The following GALNT16 variants were observed in gnomAD, a reference collection of about 807,000 sequenced individuals.
The protein encoded by GALNT16 is polypeptide N-acetylgalactosaminyltransferase 16, also known as UDP-GalNAc:polypeptide N-acetylgalactosaminyltransferase-like protein 1.
Under a neutral mutation model 76.1 loss-of-function variants are expected in GALNT16, and 40 were observed. The observed-to-expected ratio is 0.53, with a 90% CI of 0.41 to 0.68. The LOEUF (loss-of-function observed/expected upper bound fraction) is 0.68. Ranked by LOEUF, GALNT16 falls within the 30% of genes least tolerant of loss-of-function variation. The pLI is 0.00. For synonymous variants in GALNT16, 276 were observed against 285.2 expected (o/e 0.97, Z 0.32); for missense variants, 621 against 731.9 (o/e 0.85, Z 1.75).
chr14:69,383,501 C>T, the GALNT16 span, among the ~76,000 whole-genome samples: 1 of 152,180 alleles, frequency 6.6e-6, no homozygotes, highest in Non-Finnish European at 1.5e-5. Context: ...TACCTTATTT[C>T]TCCTGAATAT....
At chr14:69,282,650 CTATTTATTTATTTATT>C (rs34689381) in intron 1 of GALNT16, among the ~76,000 whole-genome samples, 1 of 147,232 alleles carries the variant, frequency 6.8e-6, no homozygotes, top group Non-Finnish European at 1.5e-5. Context: ...AGAATTTGTC[CTATTTATTTATTTATT>C]TATTTATTTA....
rs76183028 is a variant in GALNT16, at chr14:69,352,400, A to C, written c.*232A>C. The C allele has an allele frequency of 3.9e-3, 2,052 of 532,618 alleles. 37 individuals are homozygous for C. The highest frequency in any genetic ancestry group is 0.036 in the African/African-American group (1,897 of 52,604). The allele number at this position is 532,618 out of a possible 1,614,324, so 33.0% of individuals were successfully genotyped here. Reference sequence around the variant, plus strand: ...CCTTGCCCCGGGAGAGGAGATGGTCAGGGTGCTGGACTGTTGCTGGGTAGA... The same window carrying C: ...CCTTGCCCCGGGAGAGGAGATGGTCCGGGTGCTGGACTGTTGCTGGGTAGA... On this transcript the variant is annotated 3_prime_UTR_variant, in exon 15 of 15. Coordinates refer to ENST00000448469, the MANE Select transcript of GALNT16 (RefSeq NM_001168368.2).
chr14:69,301,011 G>C (rs540775353), intron 1 of GALNT16, among the ~76,000 whole-genome samples: 2 of 152,302 alleles, frequency 1.3e-5, no homozygotes, highest in Non-Finnish European at 2.9e-5. Flanking sequence ...GCAGCCCCCT[G>C]GGAGTGCTGA....
At chr14:69,272,603 T>C (rs948319993) in intron 1 of GALNT16, among the ~76,000 whole-genome samples, 1 of 152,150 alleles carries the variant, frequency 6.6e-6, no homozygotes, top group African/African-American at 2.4e-5. Flanking sequence ...ATGTACAGTG[T>C]TTATAAAGTC....
At chr14:69,305,360 A>G (rs2044918397) in intron 1 of GALNT16, among the ~76,000 whole-genome samples, 1 of 151,972 alleles carries the variant, frequency 6.6e-6, no homozygotes, top group Non-Finnish European at 1.5e-5. Flanking sequence ...ACAGGGTTTC[A>G]TTGTGTTGGC....
intron 1 of GALNT16, among the ~76,000 whole-genome samples, chr14:69,304,348 A>G (rs1375568789): frequency 6.6e-6 from 1 of 152,228 alleles, no homozygotes; most frequent in Non-Finnish European, 1.5e-5. Context: ...AAGTGAAGAG[A>G]TGGAGATTCA....
At chr14:69,326,968 A>T (rs2045294400) in intron 5 of GALNT16, among the ~76,000 whole-genome samples, 1 of 152,202 alleles carries the variant, frequency 6.6e-6, no homozygotes, top group African/African-American at 2.4e-5. Context: ...TGGGGAATAG[A>T]TGGAGTGAAT....
chr14:69,384,902 C>T, the GALNT16 span, among the ~76,000 whole-genome samples: 1 of 152,116 alleles, frequency 6.6e-6, no homozygotes, highest in East Asian at 1.9e-4. Flanking sequence ...AAGTCTTTTC[C>T]TCTAATGATC....
chr14:69,338,665 G>C lies in GALNT16; in HGVS notation c.982G>C (p.Val328Leu), dbSNP rs146506053. ...GGENFELSFR[V>L]WMCGGSLEIV... ...ATTTCCTGCAGAGCTCTCCTTCAGG[G>C]TGTGGATGTGTGGTGGCAGTCTGGA... The change falls in exon 10 of 15, where the codon GTG (valine) becomes CTG (leucine). Residue 328 changes from valine (V) to leucine (L), a missense_variant. By Grantham distance (32) the Val-to-Leu change is conservative. Coordinates refer to ENST00000448469, the MANE Select transcript of GALNT16 (RefSeq NM_001168368.2). 1.2e-6 allele frequency: 2 copies of C among 1,613,966 alleles called. No homozygotes were observed. Among genetic ancestry groups the C allele is most frequent in the African/African-American group, 2.7e-5 (2 of 75,000 alleles).
At chr14:69,325,788 G>A (rs2045274129) in intron 4 of GALNT16, among the ~76,000 whole-genome samples, 174 bp from the exon 5 acceptor site, 1 of 152,166 alleles carries the variant, frequency 6.6e-6, no homozygotes, top group Non-Finnish European at 1.5e-5. Flanking sequence ...CCTCAGTCTG[G>A]CCTGAGAGTG....
chr14:69,372,491 CT>C, the GALNT16 span, among the ~76,000 whole-genome samples: 269 of 103,776 alleles, frequency 2.6e-3, no homozygotes, highest in African/African-American at 5.2e-3. Flanking sequence ...GATCATTAGC[CT>C]TTTTTTTTTT....
At chr14:69,357,632 C>T (rs1205436082), downstream of GALNT16, 3 of 152,214 alleles carry the variant, frequency 2.0e-5, no homozygotes, top group African/African-American at 4.8e-5. Context: ...GGAGGCGTTC[C>T]AGGAAAGACT....
Position 69,347,928 on chromosome 14 carries a change from GCCACCT to G in GALNT16, c.1472_1477del (p.Ser491_Thr492del). ...CCAGCAGCAGGGGAAGTGCCTGGCT[GCCACCT>G]CCACCTTAATGTCCTCCCCTGGATC... On this transcript the variant is annotated inframe_deletion, in exon 14 of 15. Transcript: ENST00000448469. 1 of 1,614,034 alleles carries G rather than the reference GCCACCT, an allele frequency of 6.2e-7. No individual in the cohort carries two copies. The highest frequency in any genetic ancestry group is 8.5e-7 in the Non-Finnish European group (1 of 1,179,992).
intron 1 of GALNT16, among the ~76,000 whole-genome samples, chr14:69,264,421 G>A (rs2044313932): frequency 6.6e-6 from 1 of 152,142 alleles, no homozygotes; most frequent in Non-Finnish European, 1.5e-5. Context: ...GAGTTCTCCT[G>A]AAAGGTGTTG....
intron 2 of GALNT16, among the ~76,000 whole-genome samples, chr14:69,321,835 C>T (rs137981403): frequency 2.0e-5 from 3 of 152,340 alleles, no homozygotes; most frequent in East Asian, 1.9e-4. Flanking sequence ...ATGGCCAGGG[C>T]GCTGTTGGAG....
intron 1 of GALNT16, among the ~76,000 whole-genome samples, chr14:69,292,177 C>T (rs2044694416): frequency 6.6e-6 from 1 of 152,202 alleles, no homozygotes; most frequent in African/African-American, 2.4e-5. Flanking sequence ...TGGGGTAGGA[C>T]CTGGAGCACA....
intron 1 of GALNT16, among the ~76,000 whole-genome samples, chr14:69,280,531 C>T (rs926417225): frequency 2.1e-4 from 32 of 152,200 alleles, no homozygotes; most frequent in Non-Finnish European, 4.3e-4. Flanking sequence ...GTGCAAGACG[C>T]TGCTTTCTGT....
chr14:69,282,170 G>GCAT (rs1467406040), intron 1 of GALNT16, among the ~76,000 whole-genome samples: 1 of 152,164 alleles, frequency 6.6e-6, no homozygotes, highest in African/African-American at 2.4e-5. Context: ...GGGACCACCC[G>GCAT]CATCCCCTGG....
At chr14:69,281,198 G>A (rs2044536820) in intron 1 of GALNT16, among the ~76,000 whole-genome samples, 1 of 152,172 alleles carries the variant, frequency 6.6e-6, no homozygotes. Context: ...TGAACCTACA[G>A]GGCCTACTGT....
Sources: allele counts gnomAD v4.1 joint callset (sites outside exome capture counted in the v4.1 genomes callset), GRCh38; gene constraint gnomAD v4.1.1; transcripts MANE v1.5; gene names NCBI Gene and HGNC (gene_info 2026-07-23, HGNC 2026-07-21).